The following CUX2 variants were observed in gnomAD, a reference collection of about 807,000 sequenced individuals.
The protein encoded by CUX2 is homeobox protein cut-like 2.
Under a neutral mutation model 144.8 loss-of-function variants are expected in CUX2, and 40 were observed. The ratio of observed to expected loss-of-function variants is 0.28; its 90% confidence interval spans 0.21 to 0.36. The LOEUF is 0.36. Ranked by LOEUF, CUX2 falls within the 10% of genes least tolerant of loss-of-function variation. The probability of loss-of-function intolerance (pLI) is 1.00; values close to 1 mark genes in which losing one functional copy is unlikely to be tolerated. For synonymous variants in CUX2, 827 were observed against 875.6 expected, an observed-to-expected ratio of 0.94 and a Z score of 0.98; for missense variants, 1,615 against 1,994.0, an observed-to-expected ratio of 0.81 and a Z score of 3.62.
At position 111,320,062 on chromosome 12, in the gene CUX2, C is replaced by A; in HGVS notation, c.2053C>A (p.Pro685Thr). 1 of 1,550,546 alleles carries A rather than the reference C, an allele frequency of 6.4e-7. No individual in the cohort carries two copies. Among genetic ancestry groups the A allele is most frequent in the East Asian group, 2.4e-5 (1 of 42,050 alleles). ...GCTGAGCATCGCCAACGGCACGACC[C>A]CCGCCAGCACCTCGGAGGACGCCAT... ...APLSIANGTT[P>T]ASTSEDAIKS... Residue 685 changes from proline to threonine, a missense_variant, in exon 17 of 22, where the codon CCC becomes ACC. Pro to Thr is a conservative substitution (Grantham distance 38, BLOSUM62 -1). Coordinates refer to ENST00000261726, the MANE Select transcript of CUX2 (RefSeq NM_015267.4). The surrounding 1 kb of genome is among the most constrained non-coding windows in gnomAD (Gnocchi z 8.1).
intron 1 of CUX2, among the ~76,000 whole-genome samples, chr12:111,063,905 G>T (rs929752954): frequency 2.0e-5 from 3 of 152,156 alleles, no homozygotes; most frequent in Non-Finnish European, 4.4e-5. Flanking sequence ...GTGTGTTTAC[G>T]CTGTCGAGGA....
intron 1 of CUX2, among the ~76,000 whole-genome samples, chr12:111,091,405 A>G (rs113802119): frequency 0.014 from 2,060 of 152,180 alleles, 47 homozygotes; most frequent in African/African-American, 0.047. Flanking sequence ...GTCAAGTGCA[A>G]CCGGGCAGCG....
At chr12:111,239,082 G>T (rs1281921705) in intron 3 of CUX2, among the ~76,000 whole-genome samples, 1 of 152,042 alleles carries the variant, frequency 6.6e-6, no homozygotes, top group Non-Finnish European at 1.5e-5. Context: ...ATTTACAGGT[G>T]CAGACACTCA....
chr12:111,235,203 G>T (rs1442710261), intron 3 of CUX2, among the ~76,000 whole-genome samples: 1 of 152,174 alleles, frequency 6.6e-6, no homozygotes, highest in Non-Finnish European at 1.5e-5. Context: ...TGGGAGGCGG[G>T]GCTGGGGGAG....
At chr12:111,114,071 C>T (rs1420273892) in intron 1 of CUX2, among the ~76,000 whole-genome samples, 1 of 152,162 alleles carries the variant, frequency 6.6e-6, no homozygotes, top group Non-Finnish European at 1.5e-5. Flanking sequence ...TCTTGTTTGA[C>T]CATAGCTTTT....
intron 18 of CUX2, among the ~76,000 whole-genome samples, chr12:111,326,215 G>T (rs1887798457): frequency 3.2e-5 from 1 of 31,650 alleles, no homozygotes; most frequent in Non-Finnish European, 5.7e-5. Context: ...TGGTGGGGGA[G>T]GGGTGGGTTT....
intron 4 of CUX2, among the ~76,000 whole-genome samples, chr12:111,284,640 C>T (rs1283119805): frequency 1.3e-5 from 2 of 152,196 alleles, no homozygotes; most frequent in African/African-American, 4.8e-5. Context: ...GGCTGAAATG[C>T]TTACTTAAGA....
chr12:111,100,048 G>A (rs1873112398), intron 1 of CUX2: 1 of 456,880 alleles, frequency 2.2e-6, no homozygotes, highest in East Asian at 6.9e-5. Flanking sequence ...CGGGCCCTCG[G>A]AGCGGGGCTG....
At chr12:111,325,646 T>C (rs1466367656) in intron 18 of CUX2, among the ~76,000 whole-genome samples, 4 of 135,988 alleles carry the variant, frequency 2.9e-5, no homozygotes, top group Non-Finnish European at 6.3e-5. Context: ...GTGGGTTTTG[T>C]TTATAGTGTT....
At position 111,077,294 on chromosome 12, in the gene CUX2, G is replaced by A. The variant is rs1871592023; in HGVS notation, c.63+43054G>A. On this transcript the variant is annotated intron_variant, in intron 1 of 21. Coordinates refer to ENST00000261726, the MANE Select transcript of CUX2 (RefSeq NM_015267.4). The surrounding 1 kb of genome is among the most constrained non-coding windows in gnomAD (Gnocchi z 4.1). ...GCCTTTCCTTGAAACGCGCAGCCGT[G>A]TGGCAGGGCCCGGGAAGACGTGGGT... 6.6e-6 allele frequency among the ~76,000 whole-genome samples: 1 copy of A among 152,192 alleles called. No homozygotes were observed. Among genetic ancestry groups the A allele is most frequent in the Non-Finnish European group, 1.5e-5 (1 of 68,044 alleles).
chr12:111,111,756 A>G (rs1334503737), intron 1 of CUX2, among the ~76,000 whole-genome samples: 1 of 152,172 alleles, frequency 6.6e-6, no homozygotes, highest in South Asian at 2.1e-4. Flanking sequence ...AAAACCCAAC[A>G]GTACAGTTGG....
intron 1 of CUX2, among the ~76,000 whole-genome samples, chr12:111,181,498 A>C (rs534998237): frequency 6.6e-6 from 1 of 152,338 alleles, no homozygotes; most frequent in East Asian, 1.9e-4. Flanking sequence ...ACTAATCTTT[A>C]ACTGTTGTGA....
At chr12:111,088,891 G>C (rs1297951541) in intron 1 of CUX2, among the ~76,000 whole-genome samples, 2 of 152,174 alleles carry the variant, frequency 1.3e-5, no homozygotes, top group Admixed American at 1.3e-4. Context: ...TGACAGCTCT[G>C]CAGTGGGGAG....
At chr12:111,204,480 A>C (rs556576639) in intron 1 of CUX2, among the ~76,000 whole-genome samples, 4 of 152,354 alleles carry the variant, frequency 2.6e-5, no homozygotes, top group African/African-American at 9.6e-5. Context: ...AGGCCTGGTC[A>C]TGCTCCTGGT....
At chr12:111,141,227 A>AACACACACACACACACACACACACAC (rs111451932) in intron 1 of CUX2, among the ~76,000 whole-genome samples, 48 of 147,444 alleles carry the variant, frequency 3.3e-4, no homozygotes, top group African/African-American at 1.1e-3. Flanking sequence ...GGCTTAGGTC[A>AACACACACACACACACACACACACAC]ACACACACAC....
chr12:111,160,963 A>G lies in CUX2; in HGVS notation c.64-53237A>G, dbSNP rs932672238. ...GAGAGTGCAGAGTTCCCTTTTGGCT[A>G]TGGGTTTGAAACCTGAGATGCCCAT... On this transcript the variant is annotated intron_variant, in intron 1 of 21. Coordinates refer to ENST00000261726, the MANE Select transcript of CUX2 (RefSeq NM_015267.4). The surrounding 1 kb of genome is among the most constrained non-coding windows in gnomAD (Gnocchi z 4.1). Among the ~76,000 whole-genome samples, 2 of 152,134 alleles carry G rather than the reference A, an allele frequency of 1.3e-5. No individual in the cohort carries two copies. Among genetic ancestry groups the G allele is most frequent in the African/African-American group, 2.4e-5 (1 of 41,428 alleles).
At chr12:111,278,229 C>A (rs1434657845) in intron 4 of CUX2, among the ~76,000 whole-genome samples, 1 of 152,142 alleles carries the variant, frequency 6.6e-6, no homozygotes, top group African/African-American at 2.4e-5. Context: ...CCAGCCTGGG[C>A]AACATAGTAA....
At chr12:111,227,492 A>G (rs993209385) in intron 3 of CUX2, among the ~76,000 whole-genome samples, 2 of 152,168 alleles carry the variant, frequency 1.3e-5, no homozygotes. Context: ...GTGGTGATTC[A>G]GTGTTGCTAC....
intron 1 of CUX2, among the ~76,000 whole-genome samples, chr12:111,056,891 G>A (rs1029660355): frequency 2.6e-5 from 4 of 152,228 alleles, no homozygotes; most frequent in Admixed American, 2.6e-4. Flanking sequence ...CTGAGCAGGA[G>A]AGTAGATGTG....
Sources: allele counts gnomAD v4.1 joint callset (sites outside exome capture counted in the v4.1 genomes callset), GRCh38; gene constraint gnomAD v4.1.1; non-coding constraint Gnocchi (gnomAD v3.1); transcripts MANE v1.5; gene names NCBI Gene and HGNC (gene_info 2026-07-23, HGNC 2026-07-21).